BCAS3: variants seen among roughly 807,000 people sequenced by gnomAD.
BCAS3 encodes the protein BCAS3 microtubule associated cell migration factor.
Under a neutral mutation model 116.1 loss-of-function variants are expected in BCAS3, and 53 were observed. That is an observed-to-expected ratio of 0.46 (90% confidence interval 0.37 to 0.57). The LOEUF is 0.57. Ranked by LOEUF, BCAS3 falls within the 20% of genes least tolerant of loss-of-function variation. BCAS3 has a pLI of 0.00. For missense variants in BCAS3, 917 were observed against 1,165.4 expected (o/e 0.79, Z 3.10); for synonymous variants, 391 against 408.2 (o/e 0.96, Z 0.51).
chr17:60,713,460 T>C (rs2038176023), intron 5 of BCAS3, among the ~76,000 whole-genome samples: 1 of 152,198 alleles, frequency 6.6e-6, no homozygotes, highest in South Asian at 2.1e-4. Flanking sequence ...TTATAGTCTG[T>C]AATTAATACG....
At chr17:61,289,331 T>A (rs2052150128) in intron 22 of BCAS3, among the ~76,000 whole-genome samples, 1 of 152,232 alleles carries the variant, frequency 6.6e-6, no homozygotes, top group Non-Finnish European at 1.5e-5. Context: ...TGATCTCAGT[T>A]TGATTTTTAG....
chr17:60,852,099 T>C (rs975212842), intron 7 of BCAS3, among the ~76,000 whole-genome samples: 1 of 152,168 alleles, frequency 6.6e-6, no homozygotes, highest in African/African-American at 2.4e-5. Context: ...CTGCATTTAA[T>C]GTCTTGAACA....
chr17:60,889,522 G>A (rs2056988374), intron 9 of BCAS3, among the ~76,000 whole-genome samples, 173 bp from the exon 10 acceptor site: 1 of 152,134 alleles, frequency 6.6e-6, no homozygotes, highest in Admixed American at 6.5e-5. Flanking sequence ...AATAGAGGGG[G>A]AAAAATGCAC....
Position 61,387,742 on chromosome 17 carries a change from C to G in BCAS3, c.2594-4235C>G, listed in dbSNP as rs1420575260. 1.3e-5 allele frequency among the ~76,000 whole-genome samples: 2 copies of G among 152,294 alleles called. No individual in the cohort carries two copies. Among genetic ancestry groups the G allele is most frequent in the East Asian group, 3.9e-4 (2 of 5,182 alleles). On this transcript the variant is annotated intron_variant, in intron 23 of 23. Transcript: ENST00000407086. This position sits in a 1 kb window ranked among gnomAD's most constrained non-coding sequence, Gnocchi z 6.2. ...GCCGGAGCTGCCAGCACCCTGTGGCCCGCACCAGCACCCGTTCTTTCTTGG... is the reference window on the plus strand; with the variant it reads ...GCCGGAGCTGCCAGCACCCTGTGGCGCGCACCAGCACCCGTTCTTTCTTGG...
At chr17:61,225,115 C>T (rs2082302211) in intron 22 of BCAS3, among the ~76,000 whole-genome samples, 1 of 150,908 alleles carries the variant, frequency 6.6e-6, no homozygotes, top group Admixed American at 6.6e-5. Context: ...AAAGCAATCA[C>T]TGCTAGCAAG....
intron 16 of BCAS3, among the ~76,000 whole-genome samples, chr17:61,022,534 G>A (rs570357024): frequency 3.6e-4 from 54 of 151,426 alleles, no homozygotes; most frequent in Middle Eastern, 7.2e-3. Context: ...GTGAGCCACC[G>A]CGCCCAGCCT....
intron 13 of BCAS3, among the ~76,000 whole-genome samples, chr17:60,927,721 T>C (rs1463517432): frequency 6.6e-6 from 1 of 152,140 alleles, no homozygotes; most frequent in Non-Finnish European, 1.5e-5. Flanking sequence ...GAAATAATCC[T>C]ATATGGAGAT....
intron 14 of BCAS3, among the ~76,000 whole-genome samples, chr17:60,949,255 A>G (rs2145256042): frequency 6.6e-6 from 1 of 151,970 alleles, no homozygotes; most frequent in South Asian, 2.1e-4. Context: ...AATTATTATT[A>G]TTAGTAGTAG....
At chr17:60,760,068 T>A (rs1384531251) in intron 6 of BCAS3, among the ~76,000 whole-genome samples, 1 of 152,264 alleles carries the variant, frequency 6.6e-6, no homozygotes, top group Non-Finnish European at 1.5e-5. Context: ...AGCCTATGTA[T>A]GTCTGTAGGC....
At chr17:60,849,700 A>G (rs182581451) in intron 7 of BCAS3, among the ~76,000 whole-genome samples, 87 of 152,242 alleles carry the variant, frequency 5.7e-4, no homozygotes, top group Non-Finnish European at 1.1e-3. Flanking sequence ...CAGCACTTTC[A>G]GAGGTGCATA....
At chr17:60,852,539 T>A (rs144506915) in intron 7 of BCAS3, among the ~76,000 whole-genome samples, 155 of 152,270 alleles carry the variant, frequency 1.0e-3, no homozygotes, top group African/African-American at 3.6e-3. Flanking sequence ...AAAAAAGAAT[T>A]AGGATACATG....
At chr17:60,881,037 C>G (rs772179151) in intron 9 of BCAS3, among the ~76,000 whole-genome samples, 1 of 152,044 alleles carries the variant, frequency 6.6e-6, no homozygotes, top group East Asian at 1.9e-4. Context: ...TGCAGTGGTG[C>G]GATCTCAGCT....
rs2066752290 is a variant in BCAS3, at chr17:61,032,956, T to C, written c.1638-1710T>C. ...GTGGGGAGACCAAAGGGACCAATCA[T>C]AGTTGCCTCTGATCCAGACTTAGCC... On this transcript the variant is annotated intron_variant, in intron 16 of 23. Coordinates refer to ENST00000407086, the MANE Select transcript of BCAS3 (RefSeq NM_017679.5). The surrounding 1 kb of genome is among the most constrained non-coding windows in gnomAD (Gnocchi z 4.6). 3.3e-5 allele frequency among the ~76,000 whole-genome samples: 5 copies of C among 152,160 alleles called. No individual in the cohort carries two copies. The highest frequency in any genetic ancestry group is 3.3e-4 in the Admixed American group (5 of 15,266).
Position 61,343,654 on chromosome 17 carries a change from C to T in BCAS3, c.2426-24673C>T, listed in dbSNP as rs1181290821. On this transcript the variant is annotated intron_variant, in intron 22 of 23. Coordinates refer to ENST00000407086, the MANE Select transcript of BCAS3 (RefSeq NM_017679.5). This position sits in a 1 kb window ranked among gnomAD's most constrained non-coding sequence, Gnocchi z 5.5. Reference sequence around the variant, plus strand: ...GGCAAGGCAACAGACATCCCACTGCCGTTCCTCTGCCACCTCTGAGTGTGA... The same window carrying T: ...GGCAAGGCAACAGACATCCCACTGCTGTTCCTCTGCCACCTCTGAGTGTGA... 1.3e-5 allele frequency among the ~76,000 whole-genome samples: 2 copies of T among 152,228 alleles called. No homozygotes were observed. The highest frequency in any genetic ancestry group is 2.9e-5 in the Non-Finnish European group (2 of 68,046).
intron 22 of BCAS3, among the ~76,000 whole-genome samples, chr17:61,308,108 G>A (rs1354454422): frequency 6.6e-6 from 1 of 152,188 alleles, no homozygotes; most frequent in Non-Finnish European, 1.5e-5. Context: ...CCAGGCGTTG[G>A]AGTTCACGCA....
Position 61,204,923 on chromosome 17 carries a change from A to G in BCAS3, c.2425+120359A>G, listed in dbSNP as rs910336844. ...AGAAATTAGCCTGGCGTGGCGGCAC[A>G]TACCTGTAGTCCCAGCTACTCAGGA... is the stretch of plus-strand genomic sequence containing the variant. On this transcript the variant is annotated intron_variant, in intron 22 of 23. Transcript: ENST00000407086. The surrounding 1 kb of genome is among the most constrained non-coding windows in gnomAD (Gnocchi z 4.2). Among the ~76,000 whole-genome samples, 2 of 152,148 alleles carry G rather than the reference A, an allele frequency of 1.3e-5. No homozygotes were observed.
chr17:60,726,513 T>A (rs1027829270), intron 5 of BCAS3, among the ~76,000 whole-genome samples: 1 of 143,392 alleles, frequency 7.0e-6, no homozygotes, highest in Non-Finnish European at 1.5e-5. Context: ...GGGAGGAATT[T>A]TTTTTTTTTT....
chr17:61,192,955 C>T (rs982154401), intron 22 of BCAS3, among the ~76,000 whole-genome samples: 1 of 152,176 alleles, frequency 6.6e-6, no homozygotes, highest in Non-Finnish European at 1.5e-5. Context: ...CCAGAAAAAA[C>T]TATGGTATAA....
rs190304571 is a variant in BCAS3, at chr17:60,953,659, G to A, written c.1221+6307G>A. 1.3e-3 allele frequency among the ~76,000 whole-genome samples: 204 copies of A among 151,470 alleles called. 1 individual carries two copies. Among genetic ancestry groups the A allele is most frequent in the Non-Finnish European group, 1.9e-3 (126 of 67,898 alleles). On this transcript the variant is annotated intron_variant, in intron 14 of 23. Transcript: ENST00000407086. ...CTTTGCCAGTTCCTGTGTCCAGAAT[G>A]GTATTGCCTAGGTTGTCTTCCAGAG...
Sources: allele counts gnomAD v4.1 joint callset (sites outside exome capture counted in the v4.1 genomes callset), GRCh38; gene constraint gnomAD v4.1.1; non-coding constraint Gnocchi (gnomAD v3.1); transcripts MANE v1.5; gene names NCBI Gene and HGNC (gene_info 2026-07-23, HGNC 2026-07-21).